Variants in PPP1R14C observed in about 807,000 individuals in gnomAD.
The protein encoded by PPP1R14C is protein phosphatase 1 regulatory subunit 14C.
A neutral mutation model predicts 20.4 loss-of-function variants in PPP1R14C; 16 were observed. The observed-to-expected ratio is 0.78, with a 90% CI of 0.53 to 1.19. The LOEUF (loss-of-function observed/expected upper bound fraction) is 1.19. Ranked by LOEUF, PPP1R14C falls within the 50% of genes most tolerant of loss-of-function variation. PPP1R14C has a pLI of 0.00. For missense variants in PPP1R14C, 211 were observed against 220.1 expected (o/e 0.96, Z 0.26); for synonymous variants, 91 against 91.0 (o/e 1.00, Z 0.00).
chr6:150,245,531 A>G (rs184904866), intron 3 of PPP1R14C, among the ~76,000 whole-genome samples: 3 of 152,308 alleles, frequency 2.0e-5, no homozygotes, highest in East Asian at 3.9e-4. Context: ...GGCTCTGCAC[A>G]TGTGCTGTGA....
intron 1 of PPP1R14C, among the ~76,000 whole-genome samples, chr6:150,199,869 TA>T (rs11465144): frequency 9.6e-5 from 14 of 146,040 alleles, no homozygotes; most frequent in Non-Finnish European, 2.0e-4. Context: ...AGCCTGTCTC[TA>T]AAAAAAAAAA....
Position 150,214,826 on chromosome 6 carries a change from A to G in PPP1R14C, c.389A>G (p.Gln130Arg). 4 of 1,606,540 alleles carry G rather than the reference A, an allele frequency of 2.5e-6. No individual in the cohort carries two copies. Among genetic ancestry groups the G allele is most frequent in the Non-Finnish European group, 3.4e-6 (4 of 1,175,766 alleles). Residue 130 changes from glutamine (Q) to arginine (R), a missense_variant and splice_region_variant, in exon 2 of 4, where the codon CAG (glutamine) becomes CGG (arginine). By Grantham distance (43) the Gln-to-Arg change is conservative. Transcript: ENST00000361131. Reference protein sequence around the residue: ...DSDEERASKLQEALVDCYKPT... With the variant: ...DSDEERASKLREALVDCYKPT... ...GATGAAGAGAGAGCTTCAAAATTAC[A>G]GGTAAGCAGTTTCCAAAATTGAGAA...
chr6:150,224,437 A>G (rs1029401639), intron 3 of PPP1R14C, among the ~76,000 whole-genome samples: 7 of 152,198 alleles, frequency 4.6e-5, no homozygotes, highest in Admixed American at 1.3e-4. Flanking sequence ...TCAAGTTGGG[A>G]AGAACTGACA....
At chr6:150,226,611 A>G (rs911914424) in intron 3 of PPP1R14C, among the ~76,000 whole-genome samples, 1 of 152,166 alleles carries the variant, frequency 6.6e-6, no homozygotes, top group Non-Finnish European at 1.5e-5. Context: ...GGAGTTGTCT[A>G]GTCAATGAGC....
chr6:150,184,031 AG>A (rs1193980711), intron 1 of PPP1R14C, among the ~76,000 whole-genome samples: 1 of 152,202 alleles, frequency 6.6e-6, no homozygotes, highest in Non-Finnish European at 1.5e-5. Flanking sequence ...TTTTTGAAGA[AG>A]GATTAGTTGT....
chr6:150,198,704 G>A lies in PPP1R14C; in HGVS notation c.307-16040G>A, dbSNP rs151284076. Among the ~76,000 whole-genome samples, 1,015 of 152,352 alleles carry A rather than the reference G, an allele frequency of 6.7e-3. 11 individuals carry two copies. The highest frequency in any genetic ancestry group is 0.023 in the African/African-American group (973 of 41,578). ...TGAGCAGTGGCCGAGGAATGGTGCC[G>A]CTGACATAGTCCGGGCAGCCCCGCT... On this transcript the variant is annotated intron_variant, in intron 1 of 3. Transcript: ENST00000361131.
rs1428821670 is a variant in PPP1R14C at position 150,187,264 on chromosome 6, T to TGTGA, written c.307-27477_307-27476insAGTG. Among the ~76,000 whole-genome samples the TGTGA allele has an allele frequency of 2.6e-4, 39 of 149,234 alleles. No homozygotes were observed. In the East Asian group the frequency reaches 6.0e-3, roughly 23 times the overall value. On this transcript the variant is annotated intron_variant, in intron 1 of 3. Coordinates refer to ENST00000361131, the MANE Select transcript of PPP1R14C (RefSeq NM_030949.3). ...CTCTTTCTCTGTGTGTGTGTGTGTGTGTGTGTGTGTGTGTGTGTGTGTGTG... is the reference window on the plus strand; with the variant it reads ...CTCTTTCTCTGTGTGTGTGTGTGTGTGTGAGTGTGTGTGTGTGTGTGTGTGTGTG...
chr6:150,149,323 G>GTGTA (rs1190613235), intron 1 of PPP1R14C, among the ~76,000 whole-genome samples: 1 of 150,792 alleles, frequency 6.6e-6, no homozygotes, highest in Non-Finnish European at 1.5e-5. Context: ...GTGTGTGTGT[G>GTGTA]TATGTGTGTG....
At chr6:150,239,739 A>G (rs1475823267) in intron 3 of PPP1R14C, among the ~76,000 whole-genome samples, 3 of 152,196 alleles carry the variant, frequency 2.0e-5, no homozygotes, top group Non-Finnish European at 4.4e-5. Flanking sequence ...ATAAAAGCAG[A>G]AATCAGTGAA....
chr6:150,182,824 GA>G (rs1777636702), intron 1 of PPP1R14C, among the ~76,000 whole-genome samples: 1 of 152,144 alleles, frequency 6.6e-6, no homozygotes, highest in Admixed American at 6.5e-5. Context: ...GAACATCATA[GA>G]GTGAACTACA....
chr6:150,228,133 T>C (rs1265682983), intron 3 of PPP1R14C, among the ~76,000 whole-genome samples: 1 of 152,202 alleles, frequency 6.6e-6, no homozygotes, highest in Non-Finnish European at 1.5e-5. Flanking sequence ...GATTTATAAA[T>C]TGAGGAAAAT....
At chr6:150,187,611 G>T (rs2114884470) in intron 1 of PPP1R14C, among the ~76,000 whole-genome samples, 1 of 152,226 alleles carries the variant, frequency 6.6e-6, no homozygotes, top group East Asian at 1.9e-4. Flanking sequence ...CCATGTTTCT[G>T]CAGAGGACAT....
chr6:150,206,973 T>C (rs1235751383), intron 1 of PPP1R14C, among the ~76,000 whole-genome samples: 1 of 152,006 alleles, frequency 6.6e-6, no homozygotes, highest in Non-Finnish European at 1.5e-5. Flanking sequence ...CCTGCGATTC[T>C]CCTGCCTCAG....
At chr6:150,217,598 T>C (rs772360157) in intron 3 of PPP1R14C, among the ~76,000 whole-genome samples, 1 of 152,240 alleles carries the variant, frequency 6.6e-6, no homozygotes, top group Non-Finnish European at 1.5e-5. Context: ...TTATCAAGTG[T>C]AATGTATAAA....
chr6:150,143,610 A>T lies in PPP1R14C; in HGVS notation c.306+112A>T. The T allele has an allele frequency of 1.3e-6, 1 of 779,872 alleles. No individual in the cohort carries two copies. Among genetic ancestry groups the T allele is most frequent in the Non-Finnish European group, 2.0e-6 (1 of 502,466 alleles). 48.3% of individuals were successfully genotyped at this position (779,872 alleles called of 1,614,324 possible). On this transcript the variant is annotated intron_variant, in intron 1 of 3. Coordinates refer to ENST00000361131, the MANE Select transcript of PPP1R14C (RefSeq NM_030949.3). The surrounding 1 kb of genome is among the most constrained non-coding windows in gnomAD (Gnocchi z 5.6). ...GCGCGCATGTCCCTGACTCCCGGGG[A>T]CCAAGTGCCAGGAGCGAGGCGCGGC...
At chr6:150,209,278 G>A (rs781605857) in intron 1 of PPP1R14C, among the ~76,000 whole-genome samples, 5 of 152,226 alleles carry the variant, frequency 3.3e-5, no homozygotes, top group Non-Finnish European at 7.3e-5. Context: ...ATCTTCAGGT[G>A]AGGTTTTAGC....
In PPP1R14C at chr6:150,185,353, G is replaced by T. The variant is rs1336296642; in HGVS notation, c.307-29391G>T. 6.6e-6 allele frequency among the ~76,000 whole-genome samples: 1 copy of T among 152,082 alleles called. No homozygotes were observed. Among genetic ancestry groups the T allele is most frequent in the African/African-American group, 2.4e-5 (1 of 41,412 alleles). ...CATGAAAGTCACACAGACCTGCAAG[G>T]CTCCTGCAATCTGCCCTTTACTCTT... On this transcript the variant is annotated intron_variant, in intron 1 of 3. Coordinates refer to ENST00000361131, the MANE Select transcript of PPP1R14C (RefSeq NM_030949.3). This position sits in a 1 kb window ranked among gnomAD's most constrained non-coding sequence, Gnocchi z 4.1.
intron 3 of PPP1R14C, among the ~76,000 whole-genome samples, chr6:150,226,010 A>G (rs1396791304): frequency 6.6e-6 from 1 of 152,212 alleles, no homozygotes; most frequent in Non-Finnish European, 1.5e-5. Flanking sequence ...TCTGTCATAT[A>G]CTTTGGGTCT....
rs909449910 is a variant in PPP1R14C at position 150,216,806 on chromosome 6, CTG to C, written c.391-12_391-11del. ...ATTTTAAAATAATAAAACTGATTTTCTGTGTGTTTAATTCTAGGAAGCTCTTG... is the reference window on the plus strand; with the variant it reads ...ATTTTAAAATAATAAAACTGATTTTCTGTGTTTAATTCTAGGAAGCTCTTG... On this transcript the variant is annotated splice_polypyrimidine_tract_variant and intron_variant, in intron 2 of 3. Coordinates refer to ENST00000361131, the MANE Select transcript of PPP1R14C (RefSeq NM_030949.3). The C allele has an allele frequency of 6.4e-7, 1 of 1,555,334 alleles. No individual in the cohort carries two copies. The highest frequency in any genetic ancestry group is 8.7e-7 in the Non-Finnish European group (1 of 1,143,372).
Sources: gnomAD v4.1 joint callset for allele counts (sites outside exome capture counted in the v4.1 genomes callset) on GRCh38, gnomAD v4.1.1 for gene constraint, Gnocchi (gnomAD v3.1) non-coding constraint, MANE v1.5 for transcripts, NCBI Gene and HGNC (gene_info 2026-07-23, HGNC 2026-07-21) for gene names.